The following CTNNA3 variants were observed in gnomAD, a reference collection of about 807,000 sequenced individuals.
The protein encoded by CTNNA3 is catenin alpha-3.
A neutral mutation model predicts 95.7 loss-of-function variants in CTNNA3; 76 were observed. That is an observed-to-expected ratio of 0.79 (90% CI 0.66 to 0.96). The LOEUF (loss-of-function observed/expected upper bound fraction) is 0.96. CTNNA3 is among the 40% of genes least tolerant of loss of function. The pLI is 0.00. For missense variants in CTNNA3, 1,191 were observed against 1,089.8 expected (o/e 1.09, Z -1.31); for synonymous variants, 431 against 374.4 (o/e 1.15, Z -1.74).
chr10:67,045,412 G>GT (rs1417776743), intron 7 of CTNNA3, among the ~76,000 whole-genome samples: 8 of 152,002 alleles, frequency 5.3e-5, no homozygotes, highest in Non-Finnish European at 8.8e-5. Context: ...ATTTTTGTTG[G>GT]TTTTTTTGTT....
At chr10:66,114,721 A>T (rs2082257204) in intron 13 of CTNNA3, among the ~76,000 whole-genome samples, 1 of 151,796 alleles carries the variant, frequency 6.6e-6, no homozygotes, top group Non-Finnish European at 1.5e-5. Context: ...TCTACTAAAA[A>T]TACAAAAATT....
rs1393078600 is a variant in CTNNA3, at chr10:66,296,570, T to TAC, written c.1733-15950_1733-15949insGT. ...GTGTGTGCATGCGTGTGTGTATATATATACACACACACACAGATCTATATA... is the reference window on the plus strand; with the variant it reads ...GTGTGTGCATGCGTGTGTGTATATATACATACACACACACACAGATCTATATA... On this transcript the variant is annotated intron_variant, in intron 12 of 17. Transcript: ENST00000433211. 2.6e-4 allele frequency among the ~76,000 whole-genome samples: 39 copies of TAC among 148,708 alleles called. No individual in the cohort carries two copies. In the South Asian group the frequency reaches 6.1e-3, roughly 23 times the overall value.
chr10:67,347,620 T>C (rs1275778254), intron 5 of CTNNA3, among the ~76,000 whole-genome samples: 1 of 152,104 alleles, frequency 6.6e-6, no homozygotes, highest in Admixed American at 6.5e-5. Flanking sequence ...AAAGTTAGGA[T>C]GGATAGTAAA....
intron 5 of CTNNA3, among the ~76,000 whole-genome samples, chr10:67,520,555 G>A (rs749872490): frequency 2.3e-4 from 35 of 152,146 alleles, no homozygotes; most frequent in Middle Eastern, 3.4e-3. Flanking sequence ...TGTTATAGTA[G>A]CACTCAGTAA....
chr10:67,759,290 T>C (rs1241492219), intron 1 of CTNNA3, among the ~76,000 whole-genome samples: 3 of 152,226 alleles, frequency 2.0e-5, no homozygotes, highest in African/African-American at 7.2e-5. Context: ...ATCCAAAACA[T>C]ATACCTAGAG....
At chr10:66,759,165 G>A (rs12247123) in intron 9 of CTNNA3, among the ~76,000 whole-genome samples, 4,309 of 152,210 alleles carry the variant, frequency 0.028, 202 homozygotes, top group African/African-American at 0.099. Flanking sequence ...GAAGATTCAG[G>A]TGATCTCTTT....
intron 12 of CTNNA3, among the ~76,000 whole-genome samples, chr10:66,331,617 T>C (rs895175277): frequency 1.3e-5 from 2 of 151,988 alleles, no homozygotes; most frequent in Non-Finnish European, 2.9e-5. Context: ...GTTGTAGATA[T>C]GCAGCATTAT....
intron 6 of CTNNA3, among the ~76,000 whole-genome samples, chr10:67,198,389 T>C (rs1319889615): frequency 6.6e-6 from 1 of 152,074 alleles, no homozygotes; most frequent in Admixed American, 6.6e-5. Context: ...CCCTAACAAC[T>C]AGTTGAGAAT....
intron 9 of CTNNA3, among the ~76,000 whole-genome samples, chr10:66,738,288 A>G (rs560419850): frequency 5.2e-4 from 79 of 152,178 alleles, no homozygotes; most frequent in African/African-American, 1.9e-3. Flanking sequence ...TACTTTTCAA[A>G]GTTGTTCTTT....
chr10:66,235,361 A>G (rs1214606876), intron 13 of CTNNA3, among the ~76,000 whole-genome samples: 12 of 151,258 alleles, frequency 7.9e-5, no homozygotes. Flanking sequence ...TAAATTTATT[A>G]TTAAATGTAT....
intron 7 of CTNNA3, among the ~76,000 whole-genome samples, chr10:67,130,368 G>A (rs1011563770): frequency 1.3e-5 from 2 of 152,232 alleles, no homozygotes; most frequent in Admixed American, 6.5e-5. Flanking sequence ...TATGAGGGAG[G>A]TGAGGAAAGA....
At chr10:67,369,046 G>A (rs1294946371) in intron 5 of CTNNA3, among the ~76,000 whole-genome samples, 3 of 152,102 alleles carry the variant, frequency 2.0e-5, no homozygotes, top group Admixed American at 6.5e-5. Context: ...GGGATCTTTT[G>A]AGCCTAAAAG....
chr10:67,562,914 T>A (rs534461555), intron 3 of CTNNA3, among the ~76,000 whole-genome samples: 326 of 152,158 alleles, frequency 2.1e-3, no homozygotes, highest in South Asian at 9.8e-3. Context: ...ATAAAATACC[T>A]AGGAATCCAA....
chr10:66,969,362 C>T (rs556271314), intron 7 of CTNNA3, among the ~76,000 whole-genome samples: 100 of 151,956 alleles, frequency 6.6e-4, no homozygotes, highest in Non-Finnish European at 8.7e-4. Flanking sequence ...GTTTTAATGG[C>T]CTCATATCGT....
intron 7 of CTNNA3, among the ~76,000 whole-genome samples, chr10:66,903,040 A>T (rs1028878830): frequency 5.3e-5 from 8 of 152,236 alleles, no homozygotes; most frequent in Non-Finnish European, 1.2e-4. Context: ...GGCCAGCATC[A>T]TACTGATACC....
intron 1 of CTNNA3, among the ~76,000 whole-genome samples, chr10:67,729,152 C>G (rs983828995): frequency 6.6e-6 from 1 of 152,080 alleles, no homozygotes; most frequent in Non-Finnish European, 1.5e-5. Flanking sequence ...AAAGCAGACT[C>G]TGGCCCTTTT....
At chr10:66,903,071 CA>C (rs551988845) in intron 7 of CTNNA3, among the ~76,000 whole-genome samples, 1,669 of 152,052 alleles carry the variant, frequency 0.011, 16 homozygotes, top group Non-Finnish European at 0.019. Context: ...AGACACACAA[CA>C]AAAAAAGAGA....
At chr10:66,547,418 C>T (rs1239454055) in intron 10 of CTNNA3, among the ~76,000 whole-genome samples, 2 of 133,102 alleles carry the variant, frequency 1.5e-5, no homozygotes, top group African/African-American at 5.7e-5. Flanking sequence ...TCTTGGCTCA[C>T]TGCAAGCTCC....
chr10:67,228,784 T>C (rs934689297), intron 5 of CTNNA3, among the ~76,000 whole-genome samples: 1 of 152,124 alleles, frequency 6.6e-6, no homozygotes, highest in African/African-American at 2.4e-5. Flanking sequence ...AAGAATTAGA[T>C]ACCCTGAACA....
Sources: allele counts gnomAD v4.1 joint callset (sites outside exome capture counted in the v4.1 genomes callset), GRCh38; gene constraint gnomAD v4.1.1; transcripts MANE v1.5; gene names NCBI Gene and HGNC (gene_info 2026-07-23, HGNC 2026-07-21).